The following SATB1 variants were observed in gnomAD, a reference collection of about 807,000 sequenced individuals.
The protein encoded by SATB1 is SATB homeobox 1, also known as DNA-binding protein SATB1.
In SATB1, 11 loss-of-function variants were observed where a neutral mutation model predicts 86.9. The ratio of observed to expected loss-of-function variants is 0.13; its 90% CI spans 0.08 to 0.21. The LOEUF (loss-of-function observed/expected upper bound fraction) is 0.21, where lower values mean the gene tolerates loss of function less well. Among genes scored for constraint, SATB1 ranks in the 10% least tolerant of loss-of-function variants. SATB1 has a pLI of 1.00. For synonymous variants in SATB1, 357 were observed against 357.2 expected, an observed-to-expected ratio of 1.00 and a Z score of 0.01; for missense variants, 551 against 937.6, an observed-to-expected ratio of 0.59 and a Z score of 5.39.
chr3:18,405,568 G>A (rs1697486461), intron 5 of SATB1, among the ~76,000 whole-genome samples: 1 of 151,874 alleles, frequency 6.6e-6, no homozygotes, highest in Non-Finnish European at 1.5e-5. Context: ...TTCTGTACAG[G>A]AGCATATTAG....
At chr3:18,390,546 G>C (rs988536722) in intron 7 of SATB1, among the ~76,000 whole-genome samples, 1 of 152,178 alleles carries the variant, frequency 6.6e-6, no homozygotes, top group African/African-American at 2.4e-5. Context: ...GATATGGATA[G>C]TGGACTTTTC....
In SATB1 at chr3:18,425,334, GA is replaced by G; in HGVS notation, c.-1733del. The G allele has an allele frequency of 6.3e-6, 1 of 157,908 alleles. No homozygotes were observed. Among genetic ancestry groups the G allele is most frequent in the Non-Finnish European group, 1.4e-5 (1 of 72,010 alleles). The allele number at this position is 157,908 out of a possible 1,614,324, so 9.8% of individuals were successfully genotyped here. ...GCGTCCGGGGAACGGGAGCGAGCGA[GA>G]AAGTGGCGGCGGCGGCGGCGGCGGC... On this transcript the variant is annotated 5_prime_UTR_variant, in exon 1 of 11. Transcript: ENST00000338745.
At chr3:18,355,201 T>G (rs1694570080) in intron 9 of SATB1, among the ~76,000 whole-genome samples, 1 of 151,944 alleles carries the variant, frequency 6.6e-6, no homozygotes, top group Non-Finnish European at 1.5e-5. Context: ...GCATTGCTCT[T>G]AAAAAAATAA....
chr3:18,413,931 AAC>A (rs1364161457), intron 5 of SATB1, among the ~76,000 whole-genome samples: 2 of 152,110 alleles, frequency 1.3e-5, no homozygotes, highest in African/African-American at 4.8e-5. Flanking sequence ...GTTTCTATGA[AAC>A]AGAAGCACAA....
intron 6 of SATB1, among the ~76,000 whole-genome samples, chr3:18,395,622 T>C (rs953173587): frequency 6.6e-6 from 1 of 152,216 alleles, no homozygotes; most frequent in African/African-American, 2.4e-5. Context: ...TTATTGTATA[T>C]CAAGCCAGCA....
chr3:18,390,455 A>G (rs1003187798), intron 7 of SATB1, among the ~76,000 whole-genome samples: 1 of 152,176 alleles, frequency 6.6e-6, no homozygotes, highest in Non-Finnish European at 1.5e-5. Flanking sequence ...AAGTAGACAC[A>G]TTTATCTCTG....
At chr3:18,353,931 A>G (rs1694504446) in intron 9 of SATB1, among the ~76,000 whole-genome samples, 1 of 152,248 alleles carries the variant, frequency 6.6e-6, no homozygotes, top group Non-Finnish European at 1.5e-5. Flanking sequence ...GCATAATTCA[A>G]GGTTAAGACA....
chr3:18,400,674 T>C (rs571863907), intron 5 of SATB1, among the ~76,000 whole-genome samples: 23 of 152,294 alleles, frequency 1.5e-4, no homozygotes, highest in Non-Finnish European at 2.2e-4. Context: ...ATATTACATA[T>C]AGACTGAAGA....
chr3:18,353,460 C>A (rs1430634159), intron 9 of SATB1, among the ~76,000 whole-genome samples: 1 of 152,128 alleles, frequency 6.6e-6, no homozygotes, highest in Non-Finnish European at 1.5e-5. Context: ...CTAGGCTCTG[C>A]ATTTAGGGAA....
chr3:18,392,236 G>T (rs1696714653), intron 7 of SATB1, among the ~76,000 whole-genome samples: 1 of 152,074 alleles, frequency 6.6e-6, no homozygotes, highest in Admixed American at 6.6e-5. Context: ...CCACAGAGAT[G>T]ATTACCTTTT....
Position 18,423,731 on chromosome 3 carries a change from T to C in SATB1, c.-129A>G, listed in dbSNP as rs1698506243. 1 of 99,018 alleles carries C rather than the reference T, an allele frequency of 1.0e-5. No homozygotes were observed. Among genetic ancestry groups the C allele is most frequent in the Non-Finnish European group, 2.0e-5 (1 of 49,130 alleles). 6.1% of individuals were successfully genotyped at this position (99,018 alleles called of 1,614,324 possible). ...AAGACTGATGTTTTCTATGTCCTTT[T>C]TTTTTTTAATTAAAAAAAAAAAAAT... On this transcript the variant is annotated 5_prime_UTR_variant, in exon 1 of 11. Coordinates refer to ENST00000338745, the MANE Select transcript of SATB1 (RefSeq NM_002971.6).
chr3:18,401,262 C>A (rs774194563), intron 5 of SATB1, among the ~76,000 whole-genome samples: 1 of 152,194 alleles, frequency 6.6e-6, no homozygotes, highest in Non-Finnish European at 1.5e-5. Context: ...AAATCCTCTT[C>A]CCCTTTTTTC....
intron 10 of SATB1, chr3:18,350,512 C>T (rs1161665383): frequency 6.6e-6 from 1 of 152,260 alleles, no homozygotes; most frequent in Non-Finnish European, 1.5e-5. Context: ...ACTCGATATC[C>T]ATAATTCTTA....
chr3:18,347,971 TAC>T lies in SATB1; in HGVS notation c.*1197_*1198del, dbSNP rs1192878581. 1.3e-5 allele frequency: 2 copies of T among 152,518 alleles called. No homozygotes were observed. Among genetic ancestry groups the T allele is most frequent in the Non-Finnish European group, 2.9e-5 (2 of 67,970 alleles). 9.4% of individuals were successfully genotyped at this position (152,518 alleles called of 1,614,324 possible). On this transcript the variant is annotated 3_prime_UTR_variant, in exon 11 of 11. Transcript: ENST00000338745. ...ATACAAACAATTTTAATTGTGTAGT[TAC>T]AGTCAATAACCACTCCTAGTCAGAA...
intron 2 of SATB1, 61 bp downstream of exon 2, chr3:18,420,696 T>G: frequency 7.6e-7 from 1 of 1,320,888 alleles, no homozygotes; most frequent in Non-Finnish European, 1.1e-6. Context: ...CCCCACACAG[T>G]GTGGCCTTGT....
intron 9 of SATB1, among the ~76,000 whole-genome samples, chr3:18,355,672 A>T (rs1031601513): frequency 6.6e-6 from 1 of 151,988 alleles, no homozygotes; most frequent in African/African-American, 2.4e-5. Context: ...AACAAAACAA[A>T]ACAAAACATA....
intron 5 of SATB1, among the ~76,000 whole-genome samples, chr3:18,403,834 A>C (rs1241518744): frequency 1.3e-5 from 2 of 152,058 alleles, no homozygotes; most frequent in Non-Finnish European, 2.9e-5. Context: ...CAATCTGTCA[A>C]ACTACTGGCT....
chr3:18,434,174 CTTT>C, intron 2 of SATB1, among the ~76,000 whole-genome samples: 2 of 152,174 alleles, frequency 1.3e-5, no homozygotes, highest in East Asian at 3.9e-4. Context: ...CTCATCTCTT[CTTT>C]GAGGTAACAA....
intron 2 of SATB1, among the ~76,000 whole-genome samples, chr3:18,435,448 T>C (rs563644503): frequency 2.8e-4 from 43 of 152,288 alleles, no homozygotes; most frequent in African/African-American, 1.0e-3. Flanking sequence ...CCTTTTGTAA[T>C]TCTCCTGGCA....
Sources: allele counts gnomAD v4.1 joint callset (sites outside exome capture counted in the v4.1 genomes callset), GRCh38; gene constraint gnomAD v4.1.1; transcripts MANE v1.5; gene names NCBI Gene and HGNC (gene_info 2026-07-23, HGNC 2026-07-21).